Variants in ARFIP2 observed in about 807,000 individuals in gnomAD.
ARFIP2 encodes the protein ARF interacting protein 2, also known as arfaptin-2.
ARFIP2 carries 14 observed loss-of-function variants against 39.2 expected under a neutral mutation model. The ratio of observed to expected loss-of-function variants is 0.36; its 90% confidence interval spans 0.24 to 0.56. The LOEUF (loss-of-function observed/expected upper bound fraction) is 0.56, where lower values mean the gene tolerates loss of function less well. Ranked by LOEUF, ARFIP2 falls within the 20% of genes least tolerant of loss-of-function variation. The probability of loss-of-function intolerance (pLI) is 0.85; values close to 1 mark genes in which losing one functional copy is unlikely to be tolerated. For missense variants in ARFIP2, 305 were observed against 422.5 expected, an observed-to-expected ratio of 0.72 and a Z score of 2.44; for synonymous variants, 167 against 172.4, an observed-to-expected ratio of 0.97 and a Z score of 0.24.
chr11:6,476,984 G>C lies in ARFIP2; in HGVS notation c.*129C>G. The C allele has an allele frequency of 1.7e-6, 2 of 1,155,314 alleles. No individual in the cohort carries two copies. Among genetic ancestry groups the C allele is most frequent in the Admixed American group, 2.9e-5 (1 of 34,882 alleles). The allele number at this position is 1,155,314 out of a possible 1,614,324, so 71.6% of individuals were successfully genotyped here. A position where few individuals can be genotyped will look rare whatever the true frequency, so the allele number is the denominator to read the frequency against. The stretch of plus-strand genomic sequence containing the variant: ...AGCAATGTGGGCAAAACTGGTGTCA[G>C]GCCCCAGCCAGAAAAAGGAGCCCAA... On this transcript the variant is annotated 3_prime_UTR_variant, in exon 8 of 8. Transcript: ENST00000396777.
intron 3 of ARFIP2, chr11:6,479,697 G>C (rs1440862579): frequency 1.8e-6 from 1 of 548,992 alleles, no homozygotes. Context: ...TCAAGCTGTA[G>C]AGGGGGGGCA....
rs556332892 is a variant in ARFIP2, at chr11:6,478,722, G to T, written c.537+16C>A. The stretch of plus-strand genomic sequence containing the variant: ...CATGCCCAGTTCCCCCACCCTCTTT[G>T]GTCTGGGTGAGGCACCTGAAGCTCT... On this transcript the variant is annotated intron_variant, in intron 5 of 7. Coordinates refer to ENST00000396777, the MANE Select transcript of ARFIP2 (RefSeq NM_001376558.2). The surrounding 1 kb of genome is among the most constrained non-coding windows in gnomAD (Gnocchi z 4.8). 70 of 1,603,998 alleles carry T rather than the reference G, an allele frequency of 4.4e-5. 1 individual carries two copies. The South Asian group carries it at 7.6e-4, about 17-fold the overall frequency.
chr11:6,479,343 A>G (rs745958248), intron 3 of ARFIP2, 85 bp from the exon 4 acceptor site: 31 of 1,609,030 alleles, frequency 1.9e-5, no homozygotes, highest in Non-Finnish European at 2.5e-5. Flanking sequence ...CTTCGAGCAC[A>G]TGAAATTGAC....
rs1483071370 is a variant in ARFIP2 at position 6,476,596 on chromosome 11, G to T, written c.*517C>A. The T allele has an allele frequency of 6.5e-6, 1 of 154,434 alleles. No individual in the cohort carries two copies. The highest frequency in any genetic ancestry group is 2.4e-5 in the African/African-American group (1 of 41,450). The allele number at this position is 154,434 out of a possible 1,614,324, so 9.6% of individuals were successfully genotyped here. On this transcript the variant is annotated 3_prime_UTR_variant, in exon 8 of 8. Coordinates refer to ENST00000396777, the MANE Select transcript of ARFIP2 (RefSeq NM_001376558.2). ...TAAGCACAATTAAACTGGGTGGGTG[G>T]GTGAGGGTAGGCCTATTCAGATGCA...
rs1351025727 is a variant in ARFIP2, at chr11:6,479,698, A to AG, written c.196+273dup. The AG allele has an allele frequency of 5.7e-5, 31 of 547,680 alleles. 1 individual carries two copies. The East Asian group carries it at 6.5e-4, about 11-fold the overall frequency. The allele number at this position is 547,680 out of a possible 1,614,324, so 33.9% of individuals were successfully genotyped here. A position where few individuals can be genotyped will look rare whatever the true frequency, so the allele number is the denominator to read the frequency against. On this transcript the variant is annotated intron_variant, in intron 3 of 7. Coordinates refer to ENST00000396777, the MANE Select transcript of ARFIP2 (RefSeq NM_001376558.2). ...GTTCCAACTCAGCCTCAAGCTGTAG[A>AG]GGGGGGGCATTCCTGTGAAGCAGGT...
intron 2 of ARFIP2, 123 bp from the exon 3 acceptor site, chr11:6,480,191 C>A: frequency 7.8e-7 from 1 of 1,277,212 alleles, no homozygotes; most frequent in Non-Finnish European, 1.1e-6. Context: ...TGCACAGAAT[C>A]AAAATGATAC....
rs1851318182 is a variant in ARFIP2 at position 6,478,307 on chromosome 11, G to C, written c.538-109C>G. ...GGGGAGGACACAGCCAGCAAAACTG[G>C]AACAACCAAGGACTGCCTCCAGCAA... On this transcript the variant is annotated intron_variant, in intron 5 of 7. Transcript: ENST00000396777. This position sits in a 1 kb window ranked among gnomAD's most constrained non-coding sequence, Gnocchi z 4.8. 3.7e-6 allele frequency: 5 copies of C among 1,368,758 alleles called. No homozygotes were observed. The highest frequency in any genetic ancestry group is 1.4e-5 in the African/African-American group (1 of 69,448). 84.8% of individuals were successfully genotyped at this position (1,368,758 alleles called of 1,614,324 possible). A position where few individuals can be genotyped will look rare whatever the true frequency, so the allele number is the denominator to read the frequency against.
At position 6,478,012 on chromosome 11, in the gene ARFIP2, C is replaced by T. The variant is rs1200851071; in HGVS notation, c.695+29G>A. ...TTTCCACCCATACCAGCCAACTCCCCAAACCCTAAGCCCTGCCAGTGCCCA... is the reference window on the plus strand; with the variant it reads ...TTTCCACCCATACCAGCCAACTCCCTAAACCCTAAGCCCTGCCAGTGCCCA... On this transcript the variant is annotated intron_variant, in intron 6 of 7. Transcript: ENST00000396777. The surrounding 1 kb of genome is among the most constrained non-coding windows in gnomAD (Gnocchi z 4.8). The T allele has an allele frequency of 2.5e-6, 4 of 1,610,314 alleles. No homozygotes were observed. The highest frequency in any genetic ancestry group is 2.7e-5 in the African/African-American group (2 of 74,744).
intron 3 of ARFIP2, chr11:6,479,486 T>C: frequency 1.4e-6 from 1 of 727,096 alleles, no homozygotes; most frequent in South Asian, 1.8e-5. Context: ...TTGCAGGGAG[T>C]TGTTGGTGTA....
rs1183774515 is a variant in ARFIP2, at chr11:6,481,290, G to C, written c.-102C>G. On this transcript the variant is annotated 5_prime_UTR_variant, in exon 1 of 8. Coordinates refer to ENST00000396777, the MANE Select transcript of ARFIP2 (RefSeq NM_001376558.2). The stretch of plus-strand genomic sequence containing the variant: ...GGCCCGGGCCGCGCGGGGACCTCGG[G>C]CTCCAGTTCCCGTCGCGATCCTAGC... 3.0e-6 allele frequency: 2 copies of C among 669,844 alleles called. No individual in the cohort carries two copies. Among genetic ancestry groups the C allele is most frequent in the Admixed American group, 3.0e-5 (1 of 33,124 alleles). 41.5% of individuals were successfully genotyped at this position (669,844 alleles called of 1,614,324 possible).
Position 6,478,543 on chromosome 11 carries a change from C to G in ARFIP2, c.537+195G>C, listed in dbSNP as rs1217098790. The G allele has an allele frequency of 2.8e-6, 4 of 1,428,556 alleles. No homozygotes were observed. In the African/African-American group the frequency reaches 4.3e-5, roughly 15 times the overall value. The allele number at this position is 1,428,556 out of a possible 1,614,324, so 88.5% of individuals were successfully genotyped here. A position where few individuals can be genotyped will look rare whatever the true frequency, so the allele number is the denominator to read the frequency against. On this transcript the variant is annotated intron_variant, in intron 5 of 7. Transcript: ENST00000396777. The surrounding 1 kb of genome is among the most constrained non-coding windows in gnomAD (Gnocchi z 4.8). ...TGTGAGGCACCTAGTGTGCCCCCTC[C>G]CCCACCCCCTCCAACTTCTGGACCT...
chr11:6,481,260 C>A lies in ARFIP2; in HGVS notation c.-72G>T, dbSNP rs903762855. On this transcript the variant is annotated 5_prime_UTR_variant, in exon 1 of 8. Coordinates refer to ENST00000396777, the MANE Select transcript of ARFIP2 (RefSeq NM_001376558.2). Reference sequence around the variant, plus strand: ...GGCCGGGCCGCTCTTCCCCTCAGGGCGCCAGGCCCGGGCCGCGCGGGGACC... The same window carrying A: ...GGCCGGGCCGCTCTTCCCCTCAGGGAGCCAGGCCCGGGCCGCGCGGGGACC... 20 of 603,402 alleles carry A rather than the reference C, an allele frequency of 3.3e-5. No individual in the cohort carries two copies. The highest frequency in any genetic ancestry group is 9.2e-5 in the Admixed American group (3 of 32,786). 37.4% of individuals were successfully genotyped at this position (603,402 alleles called of 1,614,324 possible). A position where few individuals can be genotyped will look rare whatever the true frequency, so the allele number is the denominator to read the frequency against.
intron 1 of ARFIP2, 80 bp from the exon 2 acceptor site, chr11:6,480,543 G>T (rs1159050689): frequency 5.6e-6 from 4 of 719,354 alleles, no homozygotes; most frequent in Admixed American, 6.4e-5. Flanking sequence ...TTCTTTAAAG[G>T]CTGTCCCAGG....
chr11:6,479,904 T>G, intron 3 of ARFIP2, 68 bp downstream of exon 3: 1 of 1,453,432 alleles, frequency 6.9e-7, no homozygotes, highest in Non-Finnish European at 9.7e-7. Context: ...CCTAGACATA[T>G]CCTATGCTTC....
chr11:6,477,131 G>C lies in ARFIP2; in HGVS notation c.1008C>G (p.Ser336=). 2 of 1,611,358 alleles carry C rather than the reference G, an allele frequency of 1.2e-6. No individual in the cohort carries two copies. Among genetic ancestry groups the C allele is most frequent in the Non-Finnish European group, 1.7e-6 (2 of 1,178,538 alleles). ...GAGCAGCTCACTGCTCCTCTAGCCA[G>C]GAGGGTTTCTCAGCTCCTGGAGGCC... ...KLRPPGAEKP[S]WLEEQ The change falls in exon 8 of 8, where the codon TCC becomes TCG. Residue 336 remains serine, a synonymous_variant. Transcript: ENST00000396777. The surrounding 1 kb of genome is among the most constrained non-coding windows in gnomAD (Gnocchi z 4.8).
At position 6,480,370 on chromosome 11, in the gene ARFIP2, C is replaced by G. The variant is rs527788217; in HGVS notation, c.52G>C (p.Gly18Arg). 3.1e-6 allele frequency: 5 copies of G among 1,613,720 alleles called. No homozygotes were observed. The highest frequency in any genetic ancestry group is 2.2e-5 in the East Asian group (1 of 44,858). The change falls in exon 2 of 8, where the codon GGG (glycine) becomes CGG (arginine). Residue 18 changes from glycine (G) to arginine (R), a missense_variant. By Grantham distance (125) the Gly-to-Arg change is moderately radical. Transcript: ENST00000396777. The part of the protein sequence containing the change: ...KAATMEIPIH[G>R]NGEARQLPED... The stretch of plus-strand genomic sequence containing the variant: ...GGAAGCTGCCTGGCTTCGCCGTTCC[C>G]GTGGATAGGGATCTCCATTGTGGCT...
chr11:6,478,323 C>T lies in ARFIP2; in HGVS notation c.538-125G>A. ...GCAAAACTGGAACAACCAAGGACTG[C>T]CTCCAGCAAGGCTCTCTTAGCCGGA... On this transcript the variant is annotated intron_variant, in intron 5 of 7. Transcript: ENST00000396777. The surrounding 1 kb of genome is among the most constrained non-coding windows in gnomAD (Gnocchi z 4.8). 4 of 1,251,508 alleles carry T rather than the reference C, an allele frequency of 3.2e-6. No homozygotes were observed. The highest frequency in any genetic ancestry group is 4.5e-6 in the Non-Finnish European group (4 of 892,150). The allele number at this position is 1,251,508 out of a possible 1,614,324, so 77.5% of individuals were successfully genotyped here.
chr11:6,478,919 G>A lies in ARFIP2; in HGVS notation c.356C>T (p.Ser119Leu). Residue 119 changes from serine to leucine, a missense_variant, in exon 5 of 8, where the codon TCA (serine) becomes TTA (leucine). Physicochemically the swap from Ser to Leu is moderately radical, Grantham distance 145. Coordinates refer to ENST00000396777, the MANE Select transcript of ARFIP2 (RefSeq NM_001376558.2). The surrounding 1 kb of genome is among the most constrained non-coding windows in gnomAD (Gnocchi z 4.8). ...CTCTAGCTCCAGGTCCACAGTCCGT[G>A]AGCCTCGACCAAATCGTTCTGATAA... is the stretch of plus-strand genomic sequence containing the variant. The part of the protein sequence containing the change: ...QLLSERFGRG[S>L]RTVDLELELQ... 1 of 1,614,212 alleles carries A rather than the reference G, an allele frequency of 6.2e-7. No individual in the cohort carries two copies. The highest frequency in any genetic ancestry group is 2.2e-5 in the East Asian group (1 of 44,892).
chr11:6,480,129 G>T (rs898465087), intron 2 of ARFIP2, 61 bp from the exon 3 acceptor site: 2 of 1,478,922 alleles, frequency 1.4e-6, no homozygotes, highest in Admixed American at 3.5e-5. Flanking sequence ...CATTTTGGAG[G>T]TGGGAACAAG....
Sources: gnomAD v4.1 joint callset for allele counts on GRCh38, gnomAD v4.1.1 for gene constraint, Gnocchi (gnomAD v3.1) non-coding constraint, MANE v1.5 for transcripts, NCBI Gene and HGNC (gene_info 2026-07-23, HGNC 2026-07-21) for gene names.